The following AXDND1 variants were observed in gnomAD, a reference collection of about 807,000 sequenced individuals.
The protein encoded by AXDND1 is axonemal dynein light chain domain containing 1.
A neutral mutation model predicts 137.5 loss-of-function variants in AXDND1; 110 were observed. The observed-to-expected ratio is 0.80, with a 90% confidence interval of 0.69 to 0.94. The LOEUF is 0.94. Among genes scored for constraint, AXDND1 ranks in the 40% least tolerant of loss-of-function variants. The pLI is 0.00. For missense variants in AXDND1, 1,191 were observed against 1,169.8 expected, an observed-to-expected ratio of 1.02 and a Z score of -0.26; for synonymous variants, 414 against 399.7, an observed-to-expected ratio of 1.04 and a Z score of -0.43.
chr1:179,445,018 A>G lies in AXDND1; in HGVS notation c.1612A>G (p.Lys538Glu). 6.2e-7 allele frequency: 1 copy of G among 1,613,070 alleles called. No individual in the cohort carries two copies. Among genetic ancestry groups the G allele is most frequent in the South Asian group, 1.1e-5 (1 of 91,030 alleles). Residue 538 changes from lysine to glutamate, a missense_variant, in exon 16 of 26, where the codon AAA becomes GAA. Transcript: ENST00000367618. ...GTTTACTGGGGATGTTCTACTGTCA[A>G]AATACGATACTCTCAAGATTATTAA... ...EEFTGDVLLS[K>E]YDTLKIIKHL...
chr1:179,368,994 G>C, intron 3 of AXDND1, 22 bp downstream of exon 3: 1 of 1,552,026 alleles, frequency 6.4e-7, no homozygotes. Flanking sequence ...CATATGTAGA[G>C]TAATGGGGAA....
At chr1:179,405,576 G>A (rs1055154868) in intron 11 of AXDND1, among the ~76,000 whole-genome samples, 3 of 152,016 alleles carry the variant, frequency 2.0e-5, no homozygotes, top group Non-Finnish European at 2.9e-5. Flanking sequence ...ACTCATTATT[G>A]GTCTGTTCAG....
At chr1:179,500,057 T>C (rs1388165312) in intron 20 of AXDND1, among the ~76,000 whole-genome samples, 1 of 152,100 alleles carries the variant, frequency 6.6e-6, no homozygotes, top group Non-Finnish European at 1.5e-5. Context: ...AGGGAATACT[T>C]TTTATACAAA....
At chr1:179,482,098 ATTTTTTTTTTTTT>A (rs57145549) in intron 17 of AXDND1, among the ~76,000 whole-genome samples, 1 of 108,070 alleles carries the variant, frequency 9.3e-6, no homozygotes, top group Non-Finnish European at 1.8e-5. Context: ...GAGCTTTTTA[ATTTTTTTTTTTTT>A]TTTTTTTTTT....
At chr1:179,498,887 A>C (rs1321511832) in intron 20 of AXDND1, among the ~76,000 whole-genome samples, 1 of 150,722 alleles carries the variant, frequency 6.6e-6, no homozygotes, top group East Asian at 1.9e-4. Flanking sequence ...ATACCATCTT[A>C]CACCAGTCAG....
At chr1:179,414,595 T>G (rs1433269652) in intron 12 of AXDND1, among the ~76,000 whole-genome samples, 2 of 152,132 alleles carry the variant, frequency 1.3e-5, no homozygotes, top group Non-Finnish European at 2.9e-5. Flanking sequence ...CTGGCTAATT[T>G]TTTGTATTTT....
chr1:179,538,609 C>T (rs1274527573), intron 25 of AXDND1, among the ~76,000 whole-genome samples: 4 of 152,054 alleles, frequency 2.6e-5, no homozygotes, highest in African/African-American at 9.7e-5. Context: ...GTTTTACTTC[C>T]AATTATGTGG....
chr1:179,435,047 A>C (rs1369816413), intron 15 of AXDND1, among the ~76,000 whole-genome samples: 1 of 152,162 alleles, frequency 6.6e-6, no homozygotes, highest in Non-Finnish European at 1.5e-5. Context: ...ATGCACCAAC[A>C]ATATACAAGC....
chr1:179,381,881 A>G (rs559642104), intron 6 of AXDND1, among the ~76,000 whole-genome samples: 15 of 151,118 alleles, frequency 9.9e-5, no homozygotes, highest in African/African-American at 3.4e-4. Flanking sequence ...CCTGGGTTTA[A>G]GCGATTCTTC....
At chr1:179,370,226 A>G in intron 4 of AXDND1, 148 bp downstream of exon 4, 1 of 656,126 alleles carries the variant, frequency 1.5e-6, no homozygotes, top group East Asian at 2.8e-5. Context: ...TACAATCCAG[A>G]AGGGCCAAAG....
Position 179,525,372 on chromosome 1 carries a change from G to A in AXDND1, c.2535G>A (p.Glu845=). Residue 845 remains glutamate (E), a synonymous_variant, in exon 22 of 26, where the codon GAG becomes GAA. Transcript: ENST00000367618. ...AATTCATTGAGCCTGAAATAGACGA[G>A]TCTTTTAAAGAAGATGAAGAAGAAA... ...VKEFIEPEID[E]SFKEDEEESK... 1 of 1,612,198 alleles carries A rather than the reference G, an allele frequency of 6.2e-7. No individual in the cohort carries two copies. Among genetic ancestry groups the A allele is most frequent in the Non-Finnish European group, 8.5e-7 (1 of 1,178,824 alleles).
intron 17 of AXDND1, among the ~76,000 whole-genome samples, chr1:179,475,059 A>C (rs1250227284): frequency 6.6e-6 from 1 of 152,156 alleles, no homozygotes; most frequent in African/African-American, 2.4e-5. Flanking sequence ...CTGTGGGTGC[A>C]CAGAAGTCAA....
At chr1:179,501,742 A>C (rs184221991) in intron 20 of AXDND1, among the ~76,000 whole-genome samples, 2 of 152,110 alleles carry the variant, frequency 1.3e-5, no homozygotes, top group Non-Finnish European at 2.9e-5. Context: ...CAACAAAAAA[A>C]CTCAAAAACT....
intron 14 of AXDND1, among the ~76,000 whole-genome samples, chr1:179,431,544 C>G (rs934353229): frequency 2.0e-5 from 3 of 150,890 alleles, no homozygotes; most frequent in South Asian, 2.1e-4. Context: ...GAGGCCTGGA[C>G]TAGATGATTT....
chr1:179,404,932 T>A (rs1176994200), intron 11 of AXDND1, among the ~76,000 whole-genome samples: 1 of 152,054 alleles, frequency 6.6e-6, no homozygotes, highest in Non-Finnish European at 1.5e-5. Flanking sequence ...ATACTTTAAG[T>A]TCTGAGATAC....
intron 14 of AXDND1, 117 bp downstream of exon 14, chr1:179,430,723 G>A: frequency 8.6e-7 from 1 of 1,157,576 alleles, no homozygotes; most frequent in Non-Finnish European, 1.2e-6. Flanking sequence ...TGATTTTGGG[G>A]AGCAGTCCCT....
chr1:179,494,734 C>CT (rs1249068090), intron 20 of AXDND1, among the ~76,000 whole-genome samples: 4 of 151,742 alleles, frequency 2.6e-5, no homozygotes, highest in African/African-American at 9.7e-5. Context: ...GATTTTTTTT[C>CT]TTTTATAGAC....
chr1:179,462,624 C>T (rs1327962933), intron 16 of AXDND1, among the ~76,000 whole-genome samples: 1 of 152,204 alleles, frequency 6.6e-6, no homozygotes, highest in East Asian at 1.9e-4. Context: ...AGGAATGGTA[C>T]CAGCTCCTCT....
intron 17 of AXDND1, among the ~76,000 whole-genome samples, chr1:179,477,961 A>C (rs1375085518): frequency 6.6e-6 from 1 of 152,172 alleles, no homozygotes; most frequent in Non-Finnish European, 1.5e-5. Context: ...ATGCAAATTC[A>C]AAATCCGGCA....
Sources: gnomAD v4.1 joint callset for allele counts (sites outside exome capture counted in the v4.1 genomes callset) on GRCh38, gnomAD v4.1.1 for gene constraint, MANE v1.5 for transcripts, NCBI Gene and HGNC (gene_info 2026-07-23, HGNC 2026-07-21) for gene names.